Variants in PRDM16 observed in about 807,000 individuals in gnomAD.
The protein encoded by PRDM16 is PR/SET domain 16.
A neutral mutation model predicts 110.6 loss-of-function variants in PRDM16; 23 were observed. The ratio of observed to expected loss-of-function variants is 0.21; its 90% confidence interval spans 0.15 to 0.29. The LOEUF (loss-of-function observed/expected upper bound fraction) is 0.29. Among genes scored for constraint, PRDM16 ranks in the 10% least tolerant of loss-of-function variants. The pLI, the probability that PRDM16 is intolerant of heterozygous loss-of-function variation, is 1.00. For missense variants in PRDM16, 1,615 were observed against 1,794.3 expected, an observed-to-expected ratio of 0.90 and a Z score of 1.81; for synonymous variants, 799 against 781.8, an observed-to-expected ratio of 1.02 and a Z score of -0.37.
rs370334235 is a variant in PRDM16, at chr1:3,069,280, G to A, written c.21G>A (p.Ala7=). 30 of 1,556,104 alleles carry A rather than the reference G, an allele frequency of 1.9e-5. No homozygotes were observed. In the African/African-American group the frequency reaches 4.1e-4, roughly 21 times the overall value. Residue 7 remains alanine (A), a synonymous_variant, in exon 1 of 17, where the codon GCG becomes GCA. Transcript: ENST00000270722. The surrounding 1 kb of genome is among the most constrained non-coding windows in gnomAD (Gnocchi z 6.1). ...ACACCATGCGATCCAAGGCGAGGGC[G>A]AGGAAGCTAGCCAAAAGTAAGTCTC... is the stretch of plus-strand genomic sequence containing the variant. MRSKAR[A]RKLAKSDGDV...
intron 8 of PRDM16, among the ~76,000 whole-genome samples, chr1:3,410,777 G>A (rs1291759443): frequency 6.6e-6 from 1 of 152,178 alleles, no homozygotes; most frequent in Admixed American, 6.5e-5. Context: ...GGCGGGCCCT[G>A]AGCCAGCTTG....
Position 3,290,317 on chromosome 1 carries a change from C to T in PRDM16, c.438+46180C>T, listed in dbSNP as rs567880315. ...AGGGCTCAGGGGTCCTCAGAGGTGT[C>T]GCCCCTTCCATGCTCAAAATGGCTG... On this transcript the variant is annotated intron_variant, in intron 3 of 16. Transcript: ENST00000270722. The surrounding 1 kb of genome is among the most constrained non-coding windows in gnomAD (Gnocchi z 4.8). Among the ~76,000 whole-genome samples the T allele has an allele frequency of 3.9e-5, 6 of 152,250 alleles. No homozygotes were observed. Among genetic ancestry groups the T allele is most frequent in the African/African-American group, 9.6e-5 (4 of 41,548 alleles).
chr1:3,430,829 A>C, intron 14 of PRDM16, 43 bp from the exon 15 acceptor site: 1 of 1,605,146 alleles, frequency 6.2e-7, no homozygotes, highest in Non-Finnish European at 8.5e-7. Context: ...TGGGAAGGAC[A>C]GAGACACCCA....
Position 3,147,847 on chromosome 1 carries a change from C to T in PRDM16, c.38-38278C>T, listed in dbSNP as rs536716009. Among the ~76,000 whole-genome samples, 4 of 152,322 alleles carry T rather than the reference C, an allele frequency of 2.6e-5. No individual in the cohort carries two copies. In the Middle Eastern group the frequency reaches 0.01, roughly 389 times the overall value. On this transcript the variant is annotated intron_variant, in intron 1 of 16. Coordinates refer to ENST00000270722, the MANE Select transcript of PRDM16 (RefSeq NM_022114.4). ...TCTGAGGTTCCTCCAGGCCATGGGG[C>T]AGGCTGAGAGCTGATACTGGCCCCT... is the stretch of plus-strand genomic sequence containing the variant.
rs139583507 is a variant in PRDM16 at position 3,343,648 on chromosome 1, T to G, written c.439-41504T>G. On this transcript the variant is annotated intron_variant, in intron 3 of 16. Coordinates refer to ENST00000270722, the MANE Select transcript of PRDM16 (RefSeq NM_022114.4). ...TTTGGTTTTTGTTTTGTTTTGTTTT[T>G]TTTGAGATGGAGTCTCGCTCTGTCA... Among the ~76,000 whole-genome samples the G allele has an allele frequency of 5.0e-4, 76 of 152,258 alleles. 2 individuals carry two copies. The East Asian group carries it at 8.9e-3, about 18-fold the overall frequency.
In PRDM16 at chr1:3,246,113, G is replaced by A. The variant is rs544486772; in HGVS notation, c.438+1976G>A. On this transcript the variant is annotated intron_variant, in intron 3 of 16. Coordinates refer to ENST00000270722, the MANE Select transcript of PRDM16 (RefSeq NM_022114.4). This position sits in a 1 kb window ranked among gnomAD's most constrained non-coding sequence, Gnocchi z 5.2. ...GTGCTGGCTGCTTCTGAACCAGAAC[G>A]AACTAGGACAGAAGGAGGGTGAAGT... Among the ~76,000 whole-genome samples, 1 of 152,306 alleles carries A rather than the reference G, an allele frequency of 6.6e-6. No homozygotes were observed. Among genetic ancestry groups the A allele is most frequent in the South Asian group, 2.1e-4 (1 of 4,828 alleles).
chr1:3,401,029 C>T (rs560518274), intron 5 of PRDM16, among the ~76,000 whole-genome samples: 1 of 152,264 alleles, frequency 6.6e-6, no homozygotes, highest in Admixed American at 6.5e-5. Context: ...GGGCCAGCAC[C>T]CTGCTGGAAT....
chr1:3,196,625 G>T (rs1638484219), intron 2 of PRDM16, among the ~76,000 whole-genome samples: 1 of 152,192 alleles, frequency 6.6e-6, no homozygotes. Context: ...GACCCAGATG[G>T]TCAGCCTGTG....
intron 1 of PRDM16, among the ~76,000 whole-genome samples, chr1:3,086,062 C>T (rs1293116603): frequency 1.3e-5 from 2 of 152,224 alleles, no homozygotes; most frequent in African/African-American, 4.8e-5. Context: ...CAGCTGCAGG[C>T]ACACAGACCT....
chr1:3,234,305 C>T (rs1424968624), intron 2 of PRDM16, among the ~76,000 whole-genome samples: 1 of 152,160 alleles, frequency 6.6e-6, no homozygotes, highest in Non-Finnish European at 1.5e-5. Flanking sequence ...CCAGACAGTC[C>T]TGGCCACAGG....
intron 3 of PRDM16, among the ~76,000 whole-genome samples, chr1:3,380,940 C>T (rs1012045071): frequency 6.6e-6 from 1 of 152,196 alleles, no homozygotes; most frequent in East Asian, 1.9e-4. Flanking sequence ...GGTCCCTAGA[C>T]CTGCAGCCAT....
chr1:3,197,036 T>C (rs1638496987), intron 2 of PRDM16, among the ~76,000 whole-genome samples: 1 of 152,050 alleles, frequency 6.6e-6, no homozygotes, highest in Admixed American at 6.5e-5. Context: ...TCAGCATGGC[T>C]CCTGTCCCCG....
At chr1:3,146,389 T>C (rs1420524785) in intron 1 of PRDM16, among the ~76,000 whole-genome samples, 3 of 152,270 alleles carry the variant, frequency 2.0e-5, no homozygotes, top group Non-Finnish European at 2.9e-5. Context: ...AATGATCTGC[T>C]TAAAACCATT....
rs1318155800 is a variant in PRDM16 at position 3,114,508 on chromosome 1, A to G, written c.37+45212A>G. Among the ~76,000 whole-genome samples the G allele has an allele frequency of 9.0e-5, 13 of 144,062 alleles. No individual in the cohort carries two copies. The East Asian group carries it at 1.8e-3, about 20-fold the overall frequency. The allele number at this position is 144,062 out of a possible 152,430, so 94.5% of individuals were successfully genotyped here. A position where few individuals can be genotyped will look rare whatever the true frequency, so the allele number is the denominator to read the frequency against. On this transcript the variant is annotated intron_variant, in intron 1 of 16. Transcript: ENST00000270722. ...CGCACGCACGCACACACGCGCATGC[A>G]CACACACATGAACACACGCACACAT...
intron 8 of PRDM16, among the ~76,000 whole-genome samples, chr1:3,408,987 G>A (rs1315507071): frequency 1.3e-5 from 2 of 151,478 alleles, no homozygotes; most frequent in Non-Finnish European, 2.9e-5. Flanking sequence ...ACGTGTGAGA[G>A]CATGTGAGGG....
At chr1:3,224,227 G>A (rs1639234719) in intron 2 of PRDM16, among the ~76,000 whole-genome samples, 1 of 152,172 alleles carries the variant, frequency 6.6e-6, no homozygotes, top group Non-Finnish European at 1.5e-5. Flanking sequence ...TAAATGCTGC[G>A]AAGATAAAGG....
In PRDM16 at chr1:3,425,703, C is replaced by G; in HGVS notation, c.3062C>G (p.Thr1021Ser). 1 of 1,613,886 alleles carries G rather than the reference C, an allele frequency of 6.2e-7. No individual in the cohort carries two copies. Among genetic ancestry groups the G allele is most frequent in the South Asian group, 1.1e-5 (1 of 91,082 alleles). The change falls in exon 13 of 17, where the codon ACC (threonine) becomes AGC (serine). Residue 1021 changes from threonine to serine, a missense_variant. Thr to Ser is a moderately conservative substitution (Grantham distance 58, BLOSUM62 1). This residue lies in a region of PRDM16 where 327 missense variants were observed against 359.3 expected (regional missense o/e 0.91). Coordinates refer to ENST00000270722, the MANE Select transcript of PRDM16 (RefSeq NM_022114.4). The surrounding 1 kb of genome is among the most constrained non-coding windows in gnomAD (Gnocchi z 6.9). ...HLCNRCFGQQ[T>S]NLDRHLKKHE... ...TGCAACCGCTGCTTCGGGCAGCAGA[C>G]CAACCTGGACCGGCACCTCAAGAAG...
intron 1 of PRDM16, among the ~76,000 whole-genome samples, chr1:3,097,867 G>A (rs1197577834): frequency 6.6e-6 from 1 of 152,112 alleles, no homozygotes; most frequent in African/African-American, 2.4e-5. Flanking sequence ...GACGCCCCTC[G>A]AGCTGGAGGA....
At chr1:3,276,670 A>AGGTGCCGTGAACAGAGCCAGCGACG (rs1640590194) in intron 3 of PRDM16, among the ~76,000 whole-genome samples, 1 of 143,862 alleles carries the variant, frequency 7.0e-6, no homozygotes, top group Non-Finnish European at 1.5e-5. Flanking sequence ...AGCCAGCTCG[A>AGGTGCCGTGAACAGAGCCAGCGACG]GGTGCCGTGA....
Sources: gnomAD v4.1 joint callset for allele counts (sites outside exome capture counted in the v4.1 genomes callset) on GRCh38, gnomAD v4.1.1 for gene constraint, gnomAD v4.1.1 regional missense constraint, Gnocchi (gnomAD v3.1) non-coding constraint, MANE v1.5 for transcripts, NCBI Gene and HGNC (gene_info 2026-07-23, HGNC 2026-07-21) for gene names.